The following VTA1 variants were observed in gnomAD, a reference collection of about 807,000 sequenced individuals.
The protein encoded by VTA1 is vacuolar protein sorting-associated protein VTA1 homolog.
A neutral mutation model predicts 36.9 loss-of-function variants in VTA1; 24 were observed. The observed-to-expected ratio is 0.65, with a 90% CI of 0.47 to 0.91. The LOEUF is 0.91. VTA1 is among the 40% of genes least tolerant of loss of function. The pLI is 0.00. For synonymous variants in VTA1, 142 were observed against 130.2 expected (o/e 1.09, Z -0.62); for missense variants, 393 against 377.2 (o/e 1.04, Z -0.35).
chr6:142,203,857 A>G, intron 6 of VTA1, 128 bp from the exon 7 acceptor site: 2 of 703,636 alleles, frequency 2.8e-6, no homozygotes, highest in Middle Eastern at 3.0e-4. Flanking sequence ...ATGTCAAGTT[A>G]GAATCCATTG....
At position 142,221,932 on chromosome 6, in the gene VTA1, C is replaced by G. The variant is rs1776118769; in HGVS notation, c.*3289C>G. 2 of 151,094 alleles carry G rather than the reference C, an allele frequency of 1.3e-5. No individual in the cohort carries two copies. The allele number at this position is 151,094 out of a possible 1,614,324, so 9.4% of individuals were successfully genotyped here. On this transcript the variant is annotated 3_prime_UTR_variant, in exon 8 of 8. Coordinates refer to ENST00000367630, the MANE Select transcript of VTA1 (RefSeq NM_016485.5). ...GTTGCAGTGAGCCGAGATCGTGCCACTGCACTCCAGCCTGGGCGACAGAGC... is the reference window on the plus strand; with the variant it reads ...GTTGCAGTGAGCCGAGATCGTGCCAGTGCACTCCAGCCTGGGCGACAGAGC...
At chr6:142,178,110 G>A (rs1775159039) in intron 4 of VTA1, among the ~76,000 whole-genome samples, 1 of 152,192 alleles carries the variant, frequency 6.6e-6, no homozygotes, top group South Asian at 2.1e-4. Flanking sequence ...TTAATATAAA[G>A]GAAATCACAC....
In VTA1 at chr6:142,218,928, T is replaced by C. The variant is rs1477405424; in HGVS notation, c.*285T>C. On this transcript the variant is annotated 3_prime_UTR_variant, in exon 8 of 8. Transcript: ENST00000367630. ...GCTTCAAAAAATGAAAACACACCTC[T>C]ATAAAATGTGTACTGGGAATAAGCT... 4.5e-6 allele frequency: 1 copy of C among 224,592 alleles called. No homozygotes were observed. Among genetic ancestry groups the C allele is most frequent in the Non-Finnish European group, 8.5e-6 (1 of 118,196 alleles). The allele number at this position is 224,592 out of a possible 1,614,324, so 13.9% of individuals were successfully genotyped here.
chr6:142,208,769 T>TA (rs963520750), intron 7 of VTA1, among the ~76,000 whole-genome samples: 13 of 151,384 alleles, frequency 8.6e-5, no homozygotes, highest in Admixed American at 1.3e-4. Context: ...TGGAACATTT[T>TA]AAAAAAAAAC....
At chr6:142,203,863 C>A in intron 6 of VTA1, 122 bp from the exon 7 acceptor site, 1 of 730,654 alleles carries the variant, frequency 1.4e-6, no homozygotes, top group Non-Finnish European at 2.3e-6. Flanking sequence ...AGTTAGAATC[C>A]ATTGATGTTT....
In VTA1 at chr6:142,221,775, A is replaced by G. The variant is rs1385221462; in HGVS notation, c.*3132A>G. 1 of 148,020 alleles carries G rather than the reference A, an allele frequency of 6.8e-6. No individual in the cohort carries two copies. Among genetic ancestry groups the G allele is most frequent in the African/African-American group, 2.5e-5 (1 of 40,710 alleles). The allele number at this position is 148,020 out of a possible 1,614,324, so 9.2% of individuals were successfully genotyped here. ...TATATTTATTAATATATAAATATGTATTTATATATAAATCATAAATATATT... is the reference window on the plus strand; with the variant it reads ...TATATTTATTAATATATAAATATGTGTTTATATATAAATCATAAATATATT... On this transcript the variant is annotated 3_prime_UTR_variant, in exon 8 of 8. Coordinates refer to ENST00000367630, the MANE Select transcript of VTA1 (RefSeq NM_016485.5).
At chr6:142,184,009 T>G (rs968109269) in intron 4 of VTA1, among the ~76,000 whole-genome samples, 1 of 152,202 alleles carries the variant, frequency 6.6e-6, no homozygotes, top group Non-Finnish European at 1.5e-5. Flanking sequence ...ACTTTTCTAC[T>G]AAGTCTTTAG....
Position 142,218,494 on chromosome 6 carries a change from C to T in VTA1, c.779-4C>T, listed in dbSNP as rs1776043353. 1 of 1,611,676 alleles carries T rather than the reference C, an allele frequency of 6.2e-7. No individual in the cohort carries two copies. On this transcript the variant is annotated splice_region_variant and splice_polypyrimidine_tract_variant and intron_variant, in intron 7 of 7. Coordinates refer to ENST00000367630, the MANE Select transcript of VTA1 (RefSeq NM_016485.5). Reference sequence around the variant, plus strand: ...AAATATCCCAATTGTTCTTTTTCTTCTAGGGGATGTTCGTCTAACCCCAGA... The same window carrying T: ...AAATATCCCAATTGTTCTTTTTCTTTTAGGGGATGTTCGTCTAACCCCAGA...
At chr6:142,172,543 G>A (rs1235518737) in intron 4 of VTA1, among the ~76,000 whole-genome samples, 1 of 152,196 alleles carries the variant, frequency 6.6e-6, no homozygotes, top group African/African-American at 2.4e-5. Context: ...GATACCCGGA[G>A]TGTGAAAACC....
intron 1 of VTA1, among the ~76,000 whole-genome samples, chr6:142,162,477 C>G (rs1470628784): frequency 6.6e-6 from 1 of 152,112 alleles, no homozygotes; most frequent in Non-Finnish European, 1.5e-5. Flanking sequence ...ACATTTAGAT[C>G]ATGAATAATT....
intron 2 of VTA1, among the ~76,000 whole-genome samples, chr6:142,168,810 A>G (rs1774974015): frequency 6.6e-6 from 1 of 150,548 alleles, no homozygotes; most frequent in South Asian, 2.1e-4. Context: ...TCATTCGCCC[A>G]GGCTGGAGTG....
At chr6:142,211,125 C>T (rs1199491692) in intron 7 of VTA1, among the ~76,000 whole-genome samples, 2 of 150,632 alleles carry the variant, frequency 1.3e-5, no homozygotes, top group Non-Finnish European at 2.9e-5. Flanking sequence ...AGGTGGATCT[C>T]GTGAAAATAG....
intron 1 of VTA1, among the ~76,000 whole-genome samples, chr6:142,147,979 G>T (rs112489196): frequency 6.6e-6 from 1 of 152,000 alleles, no homozygotes; most frequent in Non-Finnish European, 1.5e-5. Flanking sequence ...AATAATACCC[G>T]CTGTTGAGAC....
At chr6:142,156,287 G>A (rs1257528711) in intron 1 of VTA1, among the ~76,000 whole-genome samples, 1 of 152,148 alleles carries the variant, frequency 6.6e-6, no homozygotes, top group East Asian at 1.9e-4. Flanking sequence ...CAGTTATTGA[G>A]TGAGCCACAG....
At chr6:142,200,293 CCCTCTTTTTTT>C (rs1775654097) in intron 6 of VTA1, among the ~76,000 whole-genome samples, 1 of 152,030 alleles carries the variant, frequency 6.6e-6, no homozygotes, top group Non-Finnish European at 1.5e-5. Context: ...AGCCTCCTTT[CCCTCTTTTTTT>C]CCTCTTCCTT....
chr6:142,187,022 TACTA>T (rs1775353839), intron 4 of VTA1, among the ~76,000 whole-genome samples: 1 of 152,152 alleles, frequency 6.6e-6, no homozygotes, highest in African/African-American at 2.4e-5. Context: ...AGATAATTAT[TACTA>T]AATAAATCTG....
intron 6 of VTA1, among the ~76,000 whole-genome samples, 182 bp from the exon 7 acceptor site, chr6:142,203,803 A>G (rs1387242934): frequency 6.6e-6 from 1 of 152,202 alleles, no homozygotes; most frequent in African/African-American, 2.4e-5. Flanking sequence ...TGCATAGCCC[A>G]TACACATATG....
In VTA1 at chr6:142,221,626, G is replaced by A. The variant is rs1776111793; in HGVS notation, c.*2983G>A. ...GAATAGACCGTAAGGTGGGTGGTAA[G>A]TAAGGGAGGAAGCTGGGAGACCAGT... On this transcript the variant is annotated 3_prime_UTR_variant, in exon 8 of 8. Coordinates refer to ENST00000367630, the MANE Select transcript of VTA1 (RefSeq NM_016485.5). 6.6e-6 allele frequency: 1 copy of A among 152,054 alleles called. No individual in the cohort carries two copies. Among genetic ancestry groups the A allele is most frequent in the Non-Finnish European group, 1.5e-5 (1 of 68,014 alleles). The allele number at this position is 152,054 out of a possible 1,614,324, so 9.4% of individuals were successfully genotyped here.
chr6:142,198,117 A>ATGTGTGTGTGTGTG (rs1265860816), intron 5 of VTA1, among the ~76,000 whole-genome samples: 57 of 78,644 alleles, frequency 7.2e-4, no homozygotes, highest in African/African-American at 1.8e-3. Flanking sequence ...ATATATATAT[A>ATGTGTGTGTGTGTG]TATGTGTGTG....
Sources: gnomAD v4.1 joint callset for allele counts (sites outside exome capture counted in the v4.1 genomes callset) on GRCh38, gnomAD v4.1.1 for gene constraint, MANE v1.5 for transcripts, NCBI Gene and HGNC (gene_info 2026-07-23, HGNC 2026-07-21) for gene names.